The following R3HCC1L variants were observed in gnomAD, a reference collection of about 807,000 sequenced individuals.
R3HCC1L encodes R3H domain and coiled-coil containing 1 like, also known as coiled-coil domain-containing protein R3HCC1L.
R3HCC1L carries 51 observed loss-of-function variants against 59.9 expected under a neutral mutation model. The observed-to-expected ratio is 0.85, with a 90% CI of 0.68 to 1.07. The LOEUF (loss-of-function observed/expected upper bound fraction) is 1.07, where lower values mean the gene tolerates loss of function less well. R3HCC1L is among the 50% of genes least tolerant of loss of function. The probability of loss-of-function intolerance (pLI) is 0.00; values close to 1 mark genes in which losing one functional copy is unlikely to be tolerated. For missense variants in R3HCC1L, 965 were observed against 933.0 expected, an observed-to-expected ratio of 1.03 and a Z score of -0.45; for synonymous variants, 322 against 315.2, an observed-to-expected ratio of 1.02 and a Z score of -0.23.
intron 4 of R3HCC1L, among the ~76,000 whole-genome samples, chr10:98,200,576 G>A (rs1356964912): frequency 6.6e-6 from 1 of 152,056 alleles, no homozygotes; most frequent in African/African-American, 2.4e-5. Flanking sequence ...CTAAGGCTTA[G>A]AGCAATAACT....
intron 7 of R3HCC1L, among the ~76,000 whole-genome samples, 163 bp from the exon 8 acceptor site, chr10:98,235,262 A>T (rs945858649): frequency 2.6e-5 from 4 of 152,208 alleles, no homozygotes; most frequent in Admixed American, 6.5e-5. Context: ...GTTTGCTGAT[A>T]CCTGATCTAA....
chr10:98,135,365 T>G (rs2133782878), intron 1 of R3HCC1L, among the ~76,000 whole-genome samples: 1 of 152,330 alleles, frequency 6.6e-6, no homozygotes, highest in African/African-American at 2.4e-5. Flanking sequence ...TGTACAGTAG[T>G]CTGTTTAGCG....
At chr10:98,144,701 T>C (rs1845492242) in intron 1 of R3HCC1L, among the ~76,000 whole-genome samples, 1 of 152,232 alleles carries the variant, frequency 6.6e-6, no homozygotes, top group African/African-American at 2.4e-5. Context: ...AACCCTCTGC[T>C]TAGAACATTA....
At chr10:98,242,244 G>C (rs1857605447) in intron 9 of R3HCC1L, among the ~76,000 whole-genome samples, 2 of 152,116 alleles carry the variant, frequency 1.3e-5, no homozygotes, top group Non-Finnish European at 1.5e-5. Context: ...AGCTACTCAG[G>C]AGACTGAGGC....
chr10:98,183,082 A>G (rs1849817787), intron 4 of R3HCC1L, among the ~76,000 whole-genome samples: 1 of 152,098 alleles, frequency 6.6e-6, no homozygotes, highest in South Asian at 2.1e-4. Flanking sequence ...TGAACCAGGT[A>G]CCTCAGTTGG....
intron 4 of R3HCC1L, among the ~76,000 whole-genome samples, chr10:98,173,836 G>A (rs916835431): frequency 1.3e-5 from 2 of 152,136 alleles, no homozygotes; most frequent in South Asian, 4.1e-4. Context: ...CTGGCAGATA[G>A]CATTCTAGAA....
chr10:98,151,745 A>G (rs1285615926), intron 1 of R3HCC1L, among the ~76,000 whole-genome samples: 1 of 152,224 alleles, frequency 6.6e-6, no homozygotes, highest in Non-Finnish European at 1.5e-5. Context: ...AAAAGGAGCC[A>G]GTAAAAGAGT....
At chr10:98,183,911 C>T (rs1376176823) in intron 4 of R3HCC1L, among the ~76,000 whole-genome samples, 10 of 147,650 alleles carry the variant, frequency 6.8e-5, no homozygotes, top group African/African-American at 2.0e-4. Context: ...TGGTTGTATC[C>T]GAATCTGGTT....
intron 4 of R3HCC1L, among the ~76,000 whole-genome samples, chr10:98,180,754 A>G (rs1398647981): frequency 6.6e-6 from 1 of 152,168 alleles, no homozygotes; most frequent in Non-Finnish European, 1.5e-5. Flanking sequence ...GTTCATAGAT[A>G]TTTAGGATAG....
At chr10:98,137,442 C>T (rs1246296236) in intron 1 of R3HCC1L, among the ~76,000 whole-genome samples, 1 of 152,000 alleles carries the variant, frequency 6.6e-6, no homozygotes, top group Non-Finnish European at 1.5e-5. Flanking sequence ...TATTTTGTTG[C>T]TGTTGTTATT....
At chr10:98,196,469 G>T (rs1351999987) in intron 4 of R3HCC1L, among the ~76,000 whole-genome samples, 1 of 152,042 alleles carries the variant, frequency 6.6e-6, no homozygotes, top group Non-Finnish European at 1.5e-5. Flanking sequence ...TTGAGATAGG[G>T]TTGAAACCTC....
At chr10:98,231,449 G>A in intron 5 of R3HCC1L, 63 bp from the exon 6 acceptor site, 2 of 1,412,056 alleles carry the variant, frequency 1.4e-6, no homozygotes, top group Non-Finnish European at 2.0e-6. Flanking sequence ...TTATATATAG[G>A]AATATATTTT....
At position 98,209,084 on chromosome 10, in the gene R3HCC1L, A is replaced by C. The variant is rs777789480; in HGVS notation, c.970A>C (p.Thr324Pro). 1.9e-6 allele frequency: 3 copies of C among 1,613,976 alleles called. No homozygotes were observed. The highest frequency in any genetic ancestry group is 2.5e-6 in the Non-Finnish European group (3 of 1,179,990). Reference sequence around the variant, plus strand: ...CTCTCTGTCAGAGAGCACAAATGACACTGTTAGTCCAGTAATGATTAGAGA... The same window carrying C: ...CTCTCTGTCAGAGAGCACAAATGACCCTGTTAGTCCAGTAATGATTAGAGA... ...HISLSESTND[T>P]VSPVMIRECE... Residue 324 changes from threonine (T) to proline (P), a missense_variant, in exon 5 of 10, where the codon ACT (threonine) becomes CCT (proline). Thr to Pro is a conservative substitution (Grantham distance 38). Transcript: ENST00000298999.
chr10:98,226,928 A>G (rs1246363923), intron 5 of R3HCC1L, among the ~76,000 whole-genome samples: 2 of 152,226 alleles, frequency 1.3e-5, no homozygotes, highest in Non-Finnish European at 2.9e-5. Flanking sequence ...CATTGTATGG[A>G]TTTTAAGATA....
At chr10:98,149,990 C>A (rs1215776910) in intron 1 of R3HCC1L, among the ~76,000 whole-genome samples, 5 of 152,128 alleles carry the variant, frequency 3.3e-5, no homozygotes, top group African/African-American at 1.2e-4. Context: ...TTATACTTGG[C>A]AGCGCTGGTC....
chr10:98,234,740 T>C (rs1173657548), intron 7 of R3HCC1L, among the ~76,000 whole-genome samples: 2 of 152,190 alleles, frequency 1.3e-5, no homozygotes, highest in Non-Finnish European at 2.9e-5. Flanking sequence ...CCAAGGTTAT[T>C]TGTACACATA....
intron 1 of R3HCC1L, among the ~76,000 whole-genome samples, chr10:98,141,929 T>C (rs1845177623): frequency 6.6e-6 from 1 of 152,098 alleles, no homozygotes. Flanking sequence ...AAGAAAAACA[T>C]TGTGGGGGTG....
At chr10:98,152,642 A>G (rs7079382) in intron 1 of R3HCC1L, among the ~76,000 whole-genome samples, 65,144 of 108,780 alleles carry the variant, frequency 0.6, 23,291 homozygotes, top group African/African-American at 0.76. Flanking sequence ...CTGCCCCGCC[A>G]CCCCGTCTGG....
At chr10:98,154,025 A>C (rs978909463) in intron 1 of R3HCC1L, among the ~76,000 whole-genome samples, 3 of 152,208 alleles carry the variant, frequency 2.0e-5, no homozygotes, top group Admixed American at 6.5e-5. Flanking sequence ...CCTGGAAGTT[A>C]TATTACAGGT....
Sources: gnomAD v4.1 joint callset for allele counts (sites outside exome capture counted in the v4.1 genomes callset) on GRCh38, gnomAD v4.1.1 for gene constraint, MANE v1.5 for transcripts, NCBI Gene and HGNC (gene_info 2026-07-23, HGNC 2026-07-21) for gene names.